Variants in DDC observed in about 807,000 individuals in gnomAD.
DDC encodes the protein aromatic-L-amino-acid decarboxylase.
A neutral mutation model predicts 60.0 loss-of-function variants in DDC; 43 were observed. The ratio of observed to expected loss-of-function variants is 0.72; its 90% confidence interval spans 0.56 to 0.92. The LOEUF (loss-of-function observed/expected upper bound fraction) is 0.92. Ranked by LOEUF, DDC falls within the 40% of genes least tolerant of loss-of-function variation. DDC has a pLI of 0.00. For synonymous variants in DDC, 232 were observed against 234.6 expected (o/e 0.99, Z 0.10); for missense variants, 573 against 620.2 (o/e 0.92, Z 0.81).
intron 14 of DDC, among the ~76,000 whole-genome samples, chr7:50,461,836 CAG>C (rs1351487587): frequency 6.6e-6 from 1 of 152,186 alleles, no homozygotes; most frequent in Non-Finnish European, 1.5e-5. Flanking sequence ...AGTTCTTCCT[CAG>C]ACCCCAGGTC....
At chr7:50,537,696 C>A (rs967602759) in intron 4 of DDC, among the ~76,000 whole-genome samples, 164 bp downstream of exon 4, 1 of 152,178 alleles carries the variant, frequency 6.6e-6, no homozygotes, top group Non-Finnish European at 1.5e-5. Context: ...CCAGATCCTG[C>A]CAATCCCAAA....
chr7:50,503,614 A>G (rs1367697317), intron 7 of DDC, among the ~76,000 whole-genome samples: 1 of 152,250 alleles, frequency 6.6e-6, no homozygotes, highest in Non-Finnish European at 1.5e-5. Context: ...AAAGAATTAA[A>G]TTCAAGTGTG....
At chr7:50,528,369 G>T in intron 5 of DDC, 89 bp from the exon 6 acceptor site, 1 of 1,531,046 alleles carries the variant, frequency 6.5e-7, no homozygotes, top group Non-Finnish European at 9.0e-7. Context: ...AGCCAACATT[G>T]CAAACACAAG....
intron 6 of DDC, among the ~76,000 whole-genome samples, chr7:50,523,454 A>C (rs1313970520): frequency 1.3e-5 from 2 of 152,206 alleles, no homozygotes; most frequent in Non-Finnish European, 2.9e-5. Flanking sequence ...AAAATACACA[A>C]AGAACTCTTA....
chr7:50,463,562 C>T (rs1033884451), intron 13 of DDC, 131 bp from the exon 14 acceptor site: 23 of 785,728 alleles, frequency 2.9e-5, no homozygotes, highest in Non-Finnish European at 4.7e-5. Context: ...ATCCCCCTTG[C>T]GTTTACGATG....
intron 7 of DDC, among the ~76,000 whole-genome samples, chr7:50,500,956 C>CTCTGCAT (rs1050764955): frequency 2.6e-5 from 4 of 152,218 alleles, no homozygotes; most frequent in Non-Finnish European, 4.4e-5. Context: ...GTGGGCATGC[C>CTCTGCAT]TCTGCATTCT....
At position 50,499,133 on chromosome 7, in the gene DDC, G is replaced by T. The variant is rs758371217; in HGVS notation, c.876+15C>A. On this transcript the variant is annotated intron_variant, in intron 8 of 14. Transcript: ENST00000444124. The stretch of plus-strand genomic sequence containing the variant: ...CTGTGAAAACAGCCTTAGGGAGAGC[G>T]AAGGGTGCACCTACCTCCACTCCAT... 1.2e-6 allele frequency: 2 copies of T among 1,602,712 alleles called. No homozygotes were observed. The highest frequency in any genetic ancestry group is 1.7e-6 in the Non-Finnish European group (2 of 1,169,744).
At chr7:50,460,262 G>A (rs1428075928) in intron 14 of DDC, among the ~76,000 whole-genome samples, 4 of 142,560 alleles carry the variant, frequency 2.8e-5, no homozygotes, top group Admixed American at 6.8e-5. Context: ...CCAGCCTGCC[G>A]CCCCGTCCGG....
chr7:50,555,251 T>C (rs2045144036), intron 1 of DDC, among the ~76,000 whole-genome samples: 1 of 152,080 alleles, frequency 6.6e-6, no homozygotes, highest in Non-Finnish European at 1.5e-5. Context: ...GTGTCCTGGG[T>C]TCCTGAGAAG....
At chr7:50,561,731 G>A (rs2045346813) in intron 1 of DDC, among the ~76,000 whole-genome samples, 1 of 151,908 alleles carries the variant, frequency 6.6e-6, no homozygotes, top group Non-Finnish European at 1.5e-5. Flanking sequence ...CGTTTCTCCT[G>A]AAGGTGCACG....
At chr7:50,469,115 A>T (rs867564328) in intron 12 of DDC, among the ~76,000 whole-genome samples, 40 of 104,846 alleles carry the variant, frequency 3.8e-4, no homozygotes, top group South Asian at 6.2e-4. Context: ...AATTTTTTGT[A>T]TTTTTTTTTT....
intron 6 of DDC, among the ~76,000 whole-genome samples, chr7:50,517,520 C>T (rs572842216): frequency 2.6e-5 from 4 of 152,230 alleles, no homozygotes; most frequent in Admixed American, 2.0e-4. Flanking sequence ...TGGAACATGA[C>T]AAGGTTACCC....
chr7:50,520,819 C>A (rs939507471), intron 6 of DDC, among the ~76,000 whole-genome samples: 5 of 152,002 alleles, frequency 3.3e-5, no homozygotes, highest in Non-Finnish European at 7.4e-5. Context: ...GAGGCTGAGG[C>A]AGGAGAATTG....
chr7:50,518,170 C>A (rs1179767086), intron 6 of DDC, among the ~76,000 whole-genome samples: 1 of 150,694 alleles, frequency 6.6e-6, no homozygotes, highest in East Asian at 2.0e-4. Flanking sequence ...CAAGATCATG[C>A]CACTGCACTC....
intron 6 of DDC, among the ~76,000 whole-genome samples, chr7:50,506,102 G>C (rs1468453106): frequency 2.0e-5 from 3 of 152,170 alleles, no homozygotes; most frequent in Non-Finnish European, 4.4e-5. Flanking sequence ...AGGATCGGCT[G>C]GTTTGAATAA....
At chr7:50,483,890 C>T (rs1025020020) in intron 9 of DDC, among the ~76,000 whole-genome samples, 1 of 134,130 alleles carries the variant, frequency 7.5e-6, no homozygotes, top group Non-Finnish European at 1.6e-5. Context: ...GGCGACAGAG[C>T]AAGATTCCAT....
rs147802058 is a variant in DDC, at chr7:50,543,886, C to T, written c.200G>A (p.Gly67Glu). The change falls in exon 2 of 15, where the codon GGG becomes GAG. Residue 67 changes from glycine to glutamate, a missense_variant and splice_region_variant. Coordinates refer to ENST00000444124, the MANE Select transcript of DDC (RefSeq NM_001082971.2). Reference protein sequence around the residue: ...INDVEKIIMPGVTHWHSPYFF... With the variant: ...INDVEKIIMPEVTHWHSPYFF... ...TTCTGACCTTGGATACACACTTACC[C>T]CAGGCATGATTATCTTCTCAACGTC... is the stretch of plus-strand genomic sequence containing the variant. 1.5e-5 allele frequency: 24 copies of T among 1,613,874 alleles called. No homozygotes were observed. Among genetic ancestry groups the T allele is most frequent in the Non-Finnish European group, 1.9e-5 (23 of 1,179,908 alleles).
chr7:50,489,855 T>A (rs1210145088), intron 9 of DDC, among the ~76,000 whole-genome samples: 3 of 152,204 alleles, frequency 2.0e-5, no homozygotes, highest in Non-Finnish European at 4.4e-5. Context: ...AATTAAAAAA[T>A]TATAAAAGGT....
intron 11 of DDC, among the ~76,000 whole-genome samples, chr7:50,473,563 GC>G (rs1284213395): frequency 2.0e-5 from 3 of 152,260 alleles, no homozygotes; most frequent in Non-Finnish European, 2.9e-5. Context: ...TAGGAACACA[GC>G]AGCACAGAAG....
Sources: gnomAD v4.1 joint callset for allele counts (sites outside exome capture counted in the v4.1 genomes callset) on GRCh38, gnomAD v4.1.1 for gene constraint, MANE v1.5 for transcripts, NCBI Gene and HGNC (gene_info 2026-07-23, HGNC 2026-07-21) for gene names.